Variants in NEDD9 observed in about 807,000 individuals in gnomAD.
NEDD9 encodes the protein neural precursor cell expressed, developmentally down-regulated 9.
NEDD9 carries 26 observed loss-of-function variants against 76.6 expected under a neutral mutation model. The observed-to-expected ratio is 0.34, with a 90% CI of 0.25 to 0.47. NEDD9 has a LOEUF of 0.47. Ranked by LOEUF, NEDD9 falls within the 20% of genes least tolerant of loss-of-function variation. The pLI is 1.00. For synonymous variants in NEDD9, 392 were observed against 414.2 expected (o/e 0.95, Z 0.65); for missense variants, 937 against 1,058.5 (o/e 0.89, Z 1.59).
At chr6:11,248,972 C>A in intron 3 of NEDD9, 1 of 387,722 alleles carries the variant, frequency 2.6e-6, no homozygotes, top group Non-Finnish European at 5.2e-6. Flanking sequence ...TCTTCTCTCT[C>A]CCCAGAGTCC....
chr6:11,192,156 A>C (rs1180567629), intron 4 of NEDD9, among the ~76,000 whole-genome samples, 189 bp downstream of exon 4: 1 of 152,186 alleles, frequency 6.6e-6, no homozygotes, highest in African/African-American at 2.4e-5. Flanking sequence ...CCCTAGAGCT[A>C]TCTTTAATTA....
intron 6 of NEDD9, 93 bp from the exon 7 acceptor site, chr6:11,185,764 A>G: frequency 6.9e-7 from 1 of 1,450,716 alleles, no homozygotes; most frequent in Non-Finnish European, 9.3e-7. Flanking sequence ...CAGGGATTTT[A>G]GTCGCTAGTA....
rs56288416 is a variant in NEDD9 at position 11,223,487 on chromosome 6, G to GAA, written c.12+9015_12+9016dup. On this transcript the variant is annotated intron_variant, in intron 1 of 6. Transcript: ENST00000379446. ...CCTTGGAAAAAAAAACTTCCTCTAG[G>GAA]AAAAAAAAACCAACAAAACAAAAAA... Among the ~76,000 whole-genome samples, 14 of 148,732 alleles carry GAA rather than the reference G, an allele frequency of 9.4e-5. No homozygotes were observed. The East Asian group carries it at 9.8e-4, about 10-fold the overall frequency.
At chr6:11,298,213 C>A (rs1486491962) in intron 3 of NEDD9, among the ~76,000 whole-genome samples, 1 of 152,090 alleles carries the variant, frequency 6.6e-6, no homozygotes, top group Non-Finnish European at 1.5e-5. Context: ...CAGCCCCAGT[C>A]CATATTTTTA....
chr6:11,354,538 G>A (rs930315039), intron 1 of NEDD9, among the ~76,000 whole-genome samples: 3 of 152,210 alleles, frequency 2.0e-5, no homozygotes, highest in South Asian at 2.1e-4. Flanking sequence ...AAGACATGGA[G>A]CTGCATGCTG....
At chr6:11,282,332 C>T (rs1760553467) in intron 3 of NEDD9, among the ~76,000 whole-genome samples, 2 of 152,238 alleles carry the variant, frequency 1.3e-5, no homozygotes, top group Admixed American at 1.3e-4. Flanking sequence ...TTCCCTCTCA[C>T]TGTCTTTTCT....
upstream of NEDD9, chr6:11,233,209 T>C (rs758750763): frequency 1.9e-6 from 1 of 518,950 alleles, no homozygotes. Context: ...TGTGTGACTG[T>C]TTGCTTTTTT....
chr6:11,247,056 T>C (rs1759825246), intron 3 of NEDD9, among the ~76,000 whole-genome samples: 1 of 152,130 alleles, frequency 6.6e-6, no homozygotes, highest in South Asian at 2.1e-4. Context: ...TGCCTAGAAG[T>C]CCAATCTTCC....
At chr6:11,251,431 C>T (rs144539701) in intron 3 of NEDD9, 6 of 152,266 alleles carry the variant, frequency 3.9e-5, no homozygotes, top group African/African-American at 1.4e-4. Flanking sequence ...TGACAACCTC[C>T]CCTGTGCAGA....
chr6:11,202,032 A>G (rs1031378624), intron 2 of NEDD9, among the ~76,000 whole-genome samples: 4 of 139,110 alleles, frequency 2.9e-5, no homozygotes, highest in African/African-American at 1.2e-4. Flanking sequence ...GGATGTGCTC[A>G]GGAAATAACA....
chr6:11,375,102 T>A (rs1762950498), intron 1 of NEDD9, among the ~76,000 whole-genome samples: 1 of 152,198 alleles, frequency 6.6e-6, no homozygotes, highest in African/African-American at 2.4e-5. Context: ...CTTCTTGAAA[T>A]CCTAACTCTG....
intron 3 of NEDD9, among the ~76,000 whole-genome samples, chr6:11,276,942 GAAACAAAC>G (rs148488654): frequency 1.5e-4 from 22 of 150,230 alleles, no homozygotes; most frequent in African/African-American, 3.8e-4. Context: ...ACAGGATCTG[GAAACAAAC>G]AAACAAACAA....
chr6:11,347,137 G>T (rs935570930), intron 1 of NEDD9, among the ~76,000 whole-genome samples: 1 of 152,084 alleles, frequency 6.6e-6, no homozygotes, highest in Non-Finnish European at 1.5e-5. Flanking sequence ...GGGTGGAGAG[G>T]AGCACTGGGG....
rs762473767 is a variant in NEDD9 at position 11,191,056 on chromosome 6, T to C, written c.813A>G (p.Ala271=). ...YDIPPTCTKP[A]GKDLHVKYNC... Reference sequence around the variant, plus strand: ...TGTATTTTACATGAAGGTCCTTCCCTGCTGGCTTGGTGCAGGTTGGAGGAA... The same window carrying C: ...TGTATTTTACATGAAGGTCCTTCCCCGCTGGCTTGGTGCAGGTTGGAGGAA... Residue 271 remains alanine, a synonymous_variant, in exon 5 of 7, where the codon GCA becomes GCG. Coordinates refer to ENST00000379446, the MANE Select transcript of NEDD9 (RefSeq NM_006403.4). The C allele has an allele frequency of 2.3e-5, 37 of 1,614,042 alleles. No individual in the cohort carries two copies. The East Asian group carries it at 7.1e-4, about 31-fold the overall frequency.
At chr6:11,265,281 A>G (rs1297910266) in intron 3 of NEDD9, among the ~76,000 whole-genome samples, 3 of 152,242 alleles carry the variant, frequency 2.0e-5, no homozygotes, top group African/African-American at 7.2e-5. Context: ...TATATGGACA[A>G]GGAGAGATAA....
chr6:11,251,419 A>G (rs1466720167), intron 3 of NEDD9: 1 of 152,194 alleles, frequency 6.6e-6, no homozygotes, highest in Non-Finnish European at 1.5e-5. Flanking sequence ...TGCAGAGGAA[A>G]TTGACAACCT....
intron 1 of NEDD9, among the ~76,000 whole-genome samples, chr6:11,356,968 A>G (rs886696108): frequency 5.3e-5 from 8 of 152,126 alleles, no homozygotes; most frequent in Non-Finnish European, 1.2e-4. Flanking sequence ...TCTCAGCTTT[A>G]GAGACTGTGC....
intron 3 of NEDD9, among the ~76,000 whole-genome samples, chr6:11,294,182 G>C (rs1760841141): frequency 1.3e-5 from 2 of 152,108 alleles, no homozygotes; most frequent in Admixed American, 1.3e-4. Flanking sequence ...ATTTCCTTTG[G>C]ATATATACCC....
intron 3 of NEDD9, among the ~76,000 whole-genome samples, chr6:11,247,779 C>T (rs1759837409): frequency 2.6e-5 from 4 of 152,164 alleles, no homozygotes; most frequent in Admixed American, 2.6e-4. Flanking sequence ...CGCATGAACA[C>T]ATGTATACAT....
Sources: gnomAD v4.1 joint callset for allele counts (sites outside exome capture counted in the v4.1 genomes callset) on GRCh38, gnomAD v4.1.1 for gene constraint, MANE v1.5 for transcripts, NCBI Gene and HGNC (gene_info 2026-07-23, HGNC 2026-07-21) for gene names.